The following COG6 variants were observed in gnomAD, a reference collection of about 807,000 sequenced individuals.
COG6 encodes the protein conserved oligomeric Golgi complex subunit 6.
Under a neutral mutation model 88.8 loss-of-function variants are expected in COG6, and 74 were observed. The observed-to-expected ratio is 0.83, with a 90% CI of 0.69 to 1.01. COG6 has a LOEUF of 1.01. Ranked by LOEUF, COG6 falls within the 50% of genes least tolerant of loss-of-function variation. The pLI is 0.00. For synonymous variants in COG6, 286 were observed against 278.7 expected (o/e 1.03, Z -0.26); for missense variants, 800 against 797.9 (o/e 1.00, Z -0.03).
At position 39,670,177 on chromosome 13, in the gene COG6, A is replaced by G. The variant is rs73179532; in HGVS notation, c.428+5023A>G. Among the ~76,000 whole-genome samples the G allele has an allele frequency of 2.5e-3, 380 of 152,298 alleles. 4 individuals carry two copies. Among genetic ancestry groups the G allele is most frequent in the South Asian group, 4.8e-3 (23 of 4,828 alleles). ...CTTAATGTAGAATTTTATTCACAGGACTGCAGGTTAGCATTTCCCCTTAAT... is the reference window on the plus strand; with the variant it reads ...CTTAATGTAGAATTTTATTCACAGGGCTGCAGGTTAGCATTTCCCCTTAAT... On this transcript the variant is annotated intron_variant, in intron 4 of 18. Coordinates refer to ENST00000455146, the MANE Select transcript of COG6 (RefSeq NM_020751.3).
downstream of COG6, among the ~76,000 whole-genome samples, chr13:39,754,876 T>G (rs1309064142): frequency 6.6e-6 from 1 of 151,900 alleles, no homozygotes; most frequent in African/African-American, 2.4e-5. Context: ...TGAACTAATA[T>G]CATCCTTTAT....
intron 1 of COG6, chr13:39,656,150 A>G: frequency 1.6e-6 from 1 of 618,092 alleles, no homozygotes; most frequent in Non-Finnish European, 3.0e-6. Flanking sequence ...GGATTGGTGA[A>G]CGGTGGTGCC....
At chr13:39,668,206 A>G (rs74044139) in intron 4 of COG6, among the ~76,000 whole-genome samples, 4,166 of 152,240 alleles carry the variant, frequency 0.027, 193 homozygotes, top group African/African-American at 0.095. Flanking sequence ...CTGACTGAAA[A>G]AAGTAAGCAA....
At chr13:39,668,844 C>T (rs1448953416) in intron 4 of COG6, among the ~76,000 whole-genome samples, 1 of 151,872 alleles carries the variant, frequency 6.6e-6, no homozygotes, top group Admixed American at 6.6e-5. Flanking sequence ...GTAGCCTTTA[C>T]CTTGTTTCTG....
chr13:39,786,614 C>T (rs952568187), intron 18 of COG6, among the ~76,000 whole-genome samples: 1 of 152,172 alleles, frequency 6.6e-6, no homozygotes, highest in African/African-American at 2.4e-5. Context: ...TTCAACTTTA[C>T]AAAGGTGGCA....
At chr13:39,734,357 C>T (rs1879620194) in intron 18 of COG6, among the ~76,000 whole-genome samples, 1 of 151,874 alleles carries the variant, frequency 6.6e-6, no homozygotes, top group Non-Finnish European at 1.5e-5. Flanking sequence ...TTCATTAGCC[C>T]ACTGGTTATT....
At chr13:39,706,235 T>TTA (rs372468879) in intron 13 of COG6, among the ~76,000 whole-genome samples, 3,510 of 106,412 alleles carry the variant, frequency 0.033, 290 homozygotes, top group African/African-American at 0.11. Context: ...ATATACTCCT[T>TTA]TATATATATA....
At chr13:39,682,460 A>G in intron 8 of COG6, 196 bp downstream of exon 8, 2 of 506,386 alleles carry the variant, frequency 3.9e-6, no homozygotes, top group Non-Finnish European at 7.1e-6. Flanking sequence ...ATAGAATACA[A>G]TATGGAAAGA....
chr13:39,724,456 T>C (rs1879019004), intron 16 of COG6, 52 bp from the exon 17 acceptor site: 1 of 1,356,170 alleles, frequency 7.4e-7, no homozygotes, highest in Non-Finnish European at 1.0e-6. Flanking sequence ...ATGAAATGTA[T>C]ATCTCCTTTT....
intron 18 of COG6, among the ~76,000 whole-genome samples, chr13:39,747,177 C>T (rs1428417299): frequency 6.6e-6 from 1 of 152,138 alleles, no homozygotes; most frequent in Non-Finnish European, 1.5e-5. Context: ...ACCATTTTAT[C>T]TGTACTGTAC....
At chr13:39,763,988 T>G (rs1012342697) in intron 18 of COG6, among the ~76,000 whole-genome samples, 2 of 151,846 alleles carry the variant, frequency 1.3e-5, no homozygotes, top group Non-Finnish European at 3.0e-5. Flanking sequence ...TATTACTTCT[T>G]TCTTAAATGT....
At chr13:39,674,014 T>A (rs759881034) in intron 4 of COG6, among the ~76,000 whole-genome samples, 7 of 152,082 alleles carry the variant, frequency 4.6e-5, no homozygotes, top group Non-Finnish European at 8.8e-5. Context: ...ACTTTGCCAA[T>A]GTAGATGAAA....
Position 39,707,249 on chromosome 13 carries a change from C to G in COG6, c.1284+7631C>G, listed in dbSNP as rs1222198709. Among the ~76,000 whole-genome samples, 3 of 151,726 alleles carry G rather than the reference C, an allele frequency of 2.0e-5. No individual in the cohort carries two copies. In the South Asian group the frequency reaches 6.3e-4, roughly 32 times the overall value. ...GTTCAAGTGATTCTCCTGCCTCAGC[C>G]TCCTGAGTAGCTGGGACTACAGGCA... On this transcript the variant is annotated intron_variant, in intron 13 of 18. Coordinates refer to ENST00000455146, the MANE Select transcript of COG6 (RefSeq NM_020751.3).
chr13:39,710,655 C>T (rs1878186400), intron 13 of COG6, among the ~76,000 whole-genome samples: 1 of 152,084 alleles, frequency 6.6e-6, no homozygotes, highest in Non-Finnish European at 1.5e-5. Context: ...AAAAAATCAA[C>T]AAATACTTTT....
At chr13:39,742,862 C>G (rs1176483675) in intron 18 of COG6, among the ~76,000 whole-genome samples, 1 of 152,154 alleles carries the variant, frequency 6.6e-6, no homozygotes, top group Non-Finnish European at 1.5e-5. Flanking sequence ...AAGTAAAGCA[C>G]TCCTCAGCAA....
At chr13:39,740,332 T>G (rs1359210874) in intron 18 of COG6, among the ~76,000 whole-genome samples, 5 of 152,190 alleles carry the variant, frequency 3.3e-5, no homozygotes, top group Admixed American at 3.3e-4. Flanking sequence ...TCTGAACTTT[T>G]CCATTTTCAC....
intron 18 of COG6, among the ~76,000 whole-genome samples, chr13:39,748,993 G>T (rs1880483731): frequency 6.6e-6 from 1 of 152,066 alleles, no homozygotes; most frequent in Non-Finnish European, 1.5e-5. Flanking sequence ...TATCAAAAAA[G>T]AACATAATTC....
intron 4 of COG6, among the ~76,000 whole-genome samples, chr13:39,675,864 G>A (rs1875935482): frequency 6.6e-6 from 1 of 151,914 alleles, no homozygotes. Context: ...GATAATGACT[G>A]GAACTTTTAA....
intron 1 of COG6, among the ~76,000 whole-genome samples, chr13:39,658,537 C>T (rs1259050850): frequency 6.6e-6 from 1 of 152,152 alleles, no homozygotes; most frequent in Non-Finnish European, 1.5e-5. Flanking sequence ...TCTTACCTAC[C>T]TCCTTTCTTG....
Sources: allele counts gnomAD v4.1 joint callset (sites outside exome capture counted in the v4.1 genomes callset), GRCh38; gene constraint gnomAD v4.1.1; transcripts MANE v1.5; gene names NCBI Gene and HGNC (gene_info 2026-07-23, HGNC 2026-07-21).